Variants in FBXO10 observed in about 807,000 individuals in gnomAD.
The protein encoded by FBXO10 is F-box protein 10.
A neutral mutation model predicts 80.7 loss-of-function variants in FBXO10; 39 were observed. The observed-to-expected ratio is 0.48, with a 90% CI of 0.37 to 0.63. FBXO10 has a LOEUF of 0.63. FBXO10 is among the 30% of genes least tolerant of loss of function. The pLI is 0.00. For synonymous variants in FBXO10, 449 were observed against 489.6 expected (o/e 0.92, Z 1.09); for missense variants, 1,025 against 1,269.0 (o/e 0.81, Z 2.92).
intron 8 of FBXO10, among the ~76,000 whole-genome samples, chr9:37,520,077 C>T (rs1254101299): frequency 6.6e-6 from 1 of 151,976 alleles, no homozygotes; most frequent in Non-Finnish European, 1.5e-5. Flanking sequence ...TCAAGCGATC[C>T]TCCTGCCTTG....
chr9:37,520,605 C>G (rs938732515), intron 8 of FBXO10, among the ~76,000 whole-genome samples: 2 of 147,584 alleles, frequency 1.4e-5, no homozygotes, highest in African/African-American at 4.9e-5. Context: ...CTCAAGCAAT[C>G]CCCCAGTCTT....
chr9:37,547,873 C>G (rs1024474853), intron 1 of FBXO10, among the ~76,000 whole-genome samples: 10 of 150,514 alleles, frequency 6.6e-5, no homozygotes, highest in Admixed American at 5.3e-4. Flanking sequence ...TGGGAGAATC[C>G]CTTGAGTCTA....
chr9:37,525,414 C>G (rs1182806360), intron 5 of FBXO10, among the ~76,000 whole-genome samples: 1 of 152,128 alleles, frequency 6.6e-6, no homozygotes, highest in African/African-American at 2.4e-5. Context: ...CCTTTATAAG[C>G]CAGGCATATA....
At chr9:37,575,697 G>C (rs1407920275) in intron 1 of FBXO10, 2 of 152,060 alleles carry the variant, frequency 1.3e-5, no homozygotes, top group East Asian at 3.9e-4. Context: ...ATCACTTTTT[G>C]TTTAAAGATG....
chr9:37,562,985 C>G (rs1822516937), intron 1 of FBXO10, among the ~76,000 whole-genome samples: 1 of 151,848 alleles, frequency 6.6e-6, no homozygotes, highest in African/African-American at 2.4e-5. Flanking sequence ...TGTCCCCACC[C>G]AAAATCTCAT....
At chr9:37,525,322 T>C in intron 5 of FBXO10, 150 bp from the exon 6 acceptor site, 1 of 688,764 alleles carries the variant, frequency 1.5e-6, no homozygotes, top group Non-Finnish European at 2.4e-6. Context: ...TAGTCCCAGC[T>C]TCTTGGGAGG....
rs753970654 is a variant in FBXO10 at position 37,537,780 on chromosome 9, C to G, written c.749G>C (p.Gly250Ala). The G allele has an allele frequency of 6.2e-7, 1 of 1,613,952 alleles. No individual in the cohort carries two copies. Among genetic ancestry groups the G allele is most frequent in the Admixed American group, 1.7e-5 (1 of 60,016 alleles). Residue 250 changes from glycine (G) to alanine (A), a missense_variant, in exon 3 of 11, where the codon GGC (glycine) becomes GCC (alanine). Physicochemically the swap from Gly to Ala is moderately conservative, Grantham distance 60 (BLOSUM62 0). This residue lies in a region of FBXO10 where 450 missense variants were observed against 499.4 expected (regional missense o/e 0.90). Transcript: ENST00000432825. ...LCVLENCEFV[G>A]SENNSVTVEG... ...AACAGTCACAGAGTTGTTTTCACTGCCCACAAATTCACAGTTTTCCAGGAC... is the reference window on the plus strand; with the variant it reads ...AACAGTCACAGAGTTGTTTTCACTGGCCACAAATTCACAGTTTTCCAGGAC...
intron 1 of FBXO10, among the ~76,000 whole-genome samples, chr9:37,555,589 C>T (rs1161171218): frequency 6.6e-6 from 1 of 152,126 alleles, no homozygotes; most frequent in Non-Finnish European, 1.5e-5. Context: ...TCATGTTGGC[C>T]AGGCTGGTCT....
intron 1 of FBXO10, among the ~76,000 whole-genome samples, chr9:37,545,747 C>T (rs111393127): frequency 0.026 from 3,972 of 152,288 alleles, 188 homozygotes; most frequent in African/African-American, 0.09. Flanking sequence ...GACAGAATAA[C>T]GGAAACTGGA....
At chr9:37,534,503 C>T (rs909225327) in intron 3 of FBXO10, among the ~76,000 whole-genome samples, 1 of 152,258 alleles carries the variant, frequency 6.6e-6, no homozygotes, top group East Asian at 1.9e-4. Context: ...GAGGCCTGAG[C>T]ACTTCCCTGC....
chr9:37,544,470 C>T (rs1563880644), intron 1 of FBXO10, among the ~76,000 whole-genome samples: 1 of 152,146 alleles, frequency 6.6e-6, no homozygotes, highest in Admixed American at 6.5e-5. Flanking sequence ...AACTGACCTT[C>T]ATCAAATTGT....
Position 37,542,394 on chromosome 9 carries a change from A to G in FBXO10, c.-6-620T>C, listed in dbSNP as rs113554933. Reference sequence around the variant, plus strand: ...GTGGATCACCTGAGGTTGGGAGTTCAAGACCAGCCTGACCAACATGGAGAA... The same window carrying G: ...GTGGATCACCTGAGGTTGGGAGTTCGAGACCAGCCTGACCAACATGGAGAA... On this transcript the variant is annotated intron_variant, in intron 1 of 10. Coordinates refer to ENST00000432825, the MANE Select transcript of FBXO10 (RefSeq NM_012166.3). 8.6e-5 allele frequency among the ~76,000 whole-genome samples: 13 copies of G among 151,856 alleles called. 1 individual carries two copies. The highest frequency in any genetic ancestry group is 3.1e-4 in the African/African-American group (13 of 41,434).
At chr9:37,539,234 T>G (rs961610277) in intron 2 of FBXO10, among the ~76,000 whole-genome samples, 16 of 152,308 alleles carry the variant, frequency 1.1e-4, no homozygotes, top group African/African-American at 3.1e-4. Context: ...GCTAACCTAA[T>G]TTTTCCTTGC....
rs146309000 is a variant in FBXO10 at position 37,514,010 on chromosome 9, T to G, written c.2697-1289A>C. Among the ~76,000 whole-genome samples, 4 of 152,304 alleles carry G rather than the reference T, an allele frequency of 2.6e-5. No individual in the cohort carries two copies. In the East Asian group the frequency reaches 7.7e-4, roughly 29 times the overall value. On this transcript the variant is annotated intron_variant, in intron 10 of 10. Coordinates refer to ENST00000432825, the MANE Select transcript of FBXO10 (RefSeq NM_012166.3). ...AGGGCCAGGGAAAATAAAATGATAG[T>G]GAAGCTGTGGTCAGAGTTTTCTGAT...
intron 8 of FBXO10, among the ~76,000 whole-genome samples, chr9:37,518,913 CT>C (rs397953415): frequency 1.6e-4 from 22 of 141,268 alleles, no homozygotes; most frequent in Admixed American, 1.4e-4. Context: ...GGGAAATTTT[CT>C]TTTTTTTTTT....
At chr9:37,522,277 C>T (rs965797057) in intron 7 of FBXO10, 5 of 843,234 alleles carry the variant, frequency 5.9e-6, no homozygotes, top group Middle Eastern at 6.0e-4. Context: ...GGTTAATAAC[C>T]GTGCCTCCTT....
chr9:37,516,218 C>G (rs534134890), intron 9 of FBXO10, 133 bp from the exon 10 acceptor site: 5 of 971,640 alleles, frequency 5.1e-6, no homozygotes, highest in Non-Finnish European at 5.9e-6. Context: ...AGCCTATGAG[C>G]TCAAAGAAGG....
At chr9:37,558,116 C>T (rs1036258249) in intron 1 of FBXO10, among the ~76,000 whole-genome samples, 14 of 152,298 alleles carry the variant, frequency 9.2e-5, no homozygotes, top group Middle Eastern at 3.4e-3. Flanking sequence ...CCATATACTG[C>T]GCACTTTCTG....
chr9:37,514,606 C>T (rs1374535324), intron 10 of FBXO10, among the ~76,000 whole-genome samples: 2 of 151,974 alleles, frequency 1.3e-5, no homozygotes, highest in Non-Finnish European at 2.9e-5. Flanking sequence ...GAGGCCAAGG[C>T]GGGTGGATCA....
Sources: gnomAD v4.1 joint callset for allele counts (sites outside exome capture counted in the v4.1 genomes callset) on GRCh38, gnomAD v4.1.1 for gene constraint, gnomAD v4.1.1 regional missense constraint, MANE v1.5 for transcripts, NCBI Gene and HGNC (gene_info 2026-07-23, HGNC 2026-07-21) for gene names.